PBX4: variants seen among roughly 807,000 people sequenced by gnomAD.
The protein encoded by PBX4 is pre-B-cell leukemia transcription factor 4.
A neutral mutation model predicts 35.1 loss-of-function variants in PBX4; 26 were observed. The observed-to-expected ratio is 0.74, with a 90% CI of 0.54 to 1.03. The LOEUF (loss-of-function observed/expected upper bound fraction) is 1.03, where lower values mean the gene tolerates loss of function less well. Ranked by LOEUF, PBX4 falls within the 50% of genes least tolerant of loss-of-function variation. The pLI is 0.00. For missense variants in PBX4, 448 were observed against 504.3 expected (o/e 0.89, Z 1.07); for synonymous variants, 199 against 204.2 (o/e 0.97, Z 0.22).
chr19:19,618,673 T>C lies in PBX4; in HGVS notation c.-44A>G, dbSNP rs1285017089. The stretch of plus-strand genomic sequence containing the variant: ...GGCGCTGTGAGGGTGCCGTCGAGCC[T>C]GGAGCACTACCACTGGCGCCGCAGC... On this transcript the variant is annotated 5_prime_UTR_variant, in exon 1 of 8. Transcript: ENST00000251203. 6 of 1,185,852 alleles carry C rather than the reference T, an allele frequency of 5.1e-6. No individual in the cohort carries two copies. The highest frequency in any genetic ancestry group is 5.2e-6 in the Non-Finnish European group (5 of 958,522). The allele number at this position is 1,185,852 out of a possible 1,614,324, so 73.5% of individuals were successfully genotyped here.
chr19:19,596,385 T>TAAATAAATAAATAAAC (rs1555738938), intron 2 of PBX4, among the ~76,000 whole-genome samples: 2 of 151,340 alleles, frequency 1.3e-5, no homozygotes, highest in South Asian at 2.1e-4. Context: ...AATAAATAAA[T>TAAATAAATAAATAAAC]AAACAAACAA....
intron 1 of PBX4, among the ~76,000 whole-genome samples, chr19:19,604,524 C>G (rs987318767): frequency 6.0e-5 from 9 of 148,870 alleles, no homozygotes; most frequent in Admixed American, 1.4e-4. Context: ...CTCTGAACTT[C>G]AAATATAAAA....
At chr19:19,575,825 C>T (rs938932444) in intron 2 of PBX4, among the ~76,000 whole-genome samples, 2 of 152,200 alleles carry the variant, frequency 1.3e-5, no homozygotes, top group East Asian at 3.9e-4. Context: ...TGTTCAACAG[C>T]TCCTTCCTGA....
intron 2 of PBX4, among the ~76,000 whole-genome samples, chr19:19,588,907 G>T (rs2061508090): frequency 6.6e-6 from 1 of 152,140 alleles, no homozygotes; most frequent in Non-Finnish European, 1.5e-5. Flanking sequence ...AGGCTGAGAA[G>T]GGAGGATTGC....
rs963919830 is a variant in PBX4 at position 19,562,045 on chromosome 19, T to G, written c.1105A>C (p.Asn369His). 1.2e-6 allele frequency: 2 copies of G among 1,613,112 alleles called. No individual in the cohort carries two copies. Among genetic ancestry groups the G allele is most frequent in the African/African-American group, 2.7e-5 (2 of 74,900 alleles). The change falls in exon 8 of 8, where the codon AAC becomes CAC. Residue 369 changes from asparagine (N) to histidine (H), a missense_variant. Physicochemically the swap from Asn to His is moderately conservative, Grantham distance 68. Transcript: ENST00000251203. This position sits in a 1 kb window ranked among gnomAD's most constrained non-coding sequence, Gnocchi z 4.8. Reference sequence around the variant, plus strand: ...CAAACTTAATTAGATGTACTGGAGTTGATGCTGCCAGGGTCTCCAGCAGGT... The same window carrying G: ...CAAACTTAATTAGATGTACTGGAGTGGATGCTGCCAGGGTCTCCAGCAGGT... ...ASPAGDPGSI[N>H]SSTSN
rs535129423 is a variant in PBX4 at position 19,581,094 on chromosome 19, C to T, written c.194-10261G>A. On this transcript the variant is annotated intron_variant, in intron 2 of 7. Transcript: ENST00000251203. ...GTGATCTGTCCTCTGGGCCAGCCCA[C>T]ACCTGTCACCTGCCTACAGCGAGGC... Among the ~76,000 whole-genome samples the T allele has an allele frequency of 2.0e-5, 3 of 152,338 alleles. No individual in the cohort carries two copies. In the East Asian group the frequency reaches 5.8e-4, roughly 29 times the overall value.
At position 19,618,606 on chromosome 19, in the gene PBX4, C is replaced by T. The variant is rs781667877; in HGVS notation, c.24G>A (p.Ala8=). Residue 8 remains alanine, a synonymous_variant, in exon 1 of 8, where the codon GCG becomes GCA. Coordinates refer to ENST00000251203, the MANE Select transcript of PBX4 (RefSeq NM_025245.3). ...GGCGCCGCGGGGCGGGGGGCGATGG[C>T]GCGGGGCGCGGCGGGGCGGCCATGA... MAAPPRP[A]PSPPAPRRLD... is the part of the protein sequence containing the mutation. 183 of 1,266,680 alleles carry T rather than the reference C, an allele frequency of 1.4e-4. No homozygotes were observed. Among genetic ancestry groups the T allele is most frequent in the Non-Finnish European group, 1.1e-4 (108 of 1,004,764 alleles). 78.5% of individuals were successfully genotyped at this position (1,266,680 alleles called of 1,614,324 possible).
chr19:19,588,365 C>G lies in PBX4; in HGVS notation c.193+10927G>C, dbSNP rs7255953. 4.8e-3 allele frequency: 6,433 copies of G among 1,338,510 alleles called. 220 individuals are homozygous for G. The African/African-American group carries it at 0.081, about 17-fold the overall frequency. The allele number at this position is 1,338,510 out of a possible 1,614,324, so 82.9% of individuals were successfully genotyped here. A position where few individuals can be genotyped will look rare whatever the true frequency, so the allele number is the denominator to read the frequency against. ...CATTTTTCACACAGTCATCTGATGGCAACACCAGCCTGCTTGCGGCAAAAG... is the reference window on the plus strand; with the variant it reads ...CATTTTTCACACAGTCATCTGATGGGAACACCAGCCTGCTTGCGGCAAAAG... On this transcript the variant is annotated intron_variant, in intron 2 of 7. Coordinates refer to ENST00000251203, the MANE Select transcript of PBX4 (RefSeq NM_025245.3).
At chr19:19,614,736 GA>G (rs1297131986) in intron 1 of PBX4, among the ~76,000 whole-genome samples, 1 of 151,982 alleles carries the variant, frequency 6.6e-6, no homozygotes, top group African/African-American at 2.4e-5. Flanking sequence ...AAACCACAAT[GA>G]AAACAGTTGG....
Position 19,561,999 on chromosome 19 carries a change from C to G in PBX4, c.*26G>C. On this transcript the variant is annotated 3_prime_UTR_variant, in exon 8 of 8. Coordinates refer to ENST00000251203, the MANE Select transcript of PBX4 (RefSeq NM_025245.3). ...TGGCGATACATGGCAGCTCACGCAG[C>G]GCTCTTTCCTGCTTATCCCCCAAAC... 1 of 1,586,930 alleles carries G rather than the reference C, an allele frequency of 6.3e-7. No individual in the cohort carries two copies. Among genetic ancestry groups the G allele is most frequent in the Non-Finnish European group, 8.6e-7 (1 of 1,159,834 alleles).
At chr19:19,602,026 G>A (rs1011940586) in intron 1 of PBX4, among the ~76,000 whole-genome samples, 1 of 152,140 alleles carries the variant, frequency 6.6e-6, no homozygotes, top group African/African-American at 2.4e-5. Flanking sequence ...TTGTTGTAGA[G>A]ACAGGGTCTC....
At position 19,597,727 on chromosome 19, in the gene PBX4, C is replaced by T. The variant is rs1052239386; in HGVS notation, c.193+1565G>A. Among the ~76,000 whole-genome samples the T allele has an allele frequency of 3.9e-4, 60 of 152,306 alleles. 1 individual carries two copies. The highest frequency in any genetic ancestry group is 4.8e-4 in the African/African-American group (20 of 41,554). ...ACTCACTCTAAGAAATCAAGTGACA[C>T]GTTGTGCAGATGACCCTTGGTTTAA... On this transcript the variant is annotated intron_variant, in intron 2 of 7. Coordinates refer to ENST00000251203, the MANE Select transcript of PBX4 (RefSeq NM_025245.3).
At chr19:19,580,170 C>T (rs892671861) in intron 2 of PBX4, among the ~76,000 whole-genome samples, 2 of 152,214 alleles carry the variant, frequency 1.3e-5, no homozygotes, top group African/African-American at 4.8e-5. Flanking sequence ...CGCCTGCCCT[C>T]GGGCCCACCC....
At chr19:19,598,664 A>C (rs1254651270) in intron 2 of PBX4, among the ~76,000 whole-genome samples, 1 of 152,228 alleles carries the variant, frequency 6.6e-6, no homozygotes, top group East Asian at 1.9e-4. Context: ...CTGAATGCTA[A>C]GCACCTCTTA....
At chr19:19,582,401 G>A (rs1357335629) in intron 2 of PBX4, among the ~76,000 whole-genome samples, 1 of 152,260 alleles carries the variant, frequency 6.6e-6, no homozygotes, top group East Asian at 1.9e-4. Flanking sequence ...GCTGGAAGTC[G>A]AGAGGAACAC....
intron 2 of PBX4, among the ~76,000 whole-genome samples, chr19:19,573,286 C>A (rs2061397212): frequency 1.4e-5 from 2 of 142,348 alleles, no homozygotes; most frequent in African/African-American, 5.2e-5. Context: ...GCCTGGGCAA[C>A]AAGAGCGAAA....
chr19:19,566,700 CTTTT>C (rs34778928), intron 5 of PBX4, among the ~76,000 whole-genome samples: 1 of 97,942 alleles, frequency 1.0e-5, no homozygotes, highest in East Asian at 2.8e-4. Context: ...AATTTTTGTA[CTTTT>C]TTTTTTTTTT....
At chr19:19,615,550 C>T (rs1311040722) in intron 1 of PBX4, among the ~76,000 whole-genome samples, 1 of 152,070 alleles carries the variant, frequency 6.6e-6, no homozygotes, top group Admixed American at 6.6e-5. Context: ...GTTCAGTACC[C>T]AGATATTGTA....
chr19:19,600,935 G>C (rs1201070244), intron 1 of PBX4, among the ~76,000 whole-genome samples: 2 of 152,154 alleles, frequency 1.3e-5, no homozygotes, highest in African/African-American at 4.8e-5. Flanking sequence ...CTAAGCAGAA[G>C]CACCAATCAT....
Sources: allele counts gnomAD v4.1 joint callset (sites outside exome capture counted in the v4.1 genomes callset), GRCh38; gene constraint gnomAD v4.1.1; non-coding constraint Gnocchi (gnomAD v3.1); transcripts MANE v1.5; gene names NCBI Gene and HGNC (gene_info 2026-07-23, HGNC 2026-07-21).